The following TMCO1 variants were observed in gnomAD, a reference collection of about 807,000 sequenced individuals.
TMCO1 encodes transmembrane and coiled-coil domains 1, also known as calcium load-activated calcium channel.
In TMCO1, 29 loss-of-function variants were observed where a neutral mutation model predicts 29.3. The ratio of observed to expected loss-of-function variants is 0.99; its 90% confidence interval spans 0.74 to 1.35. The LOEUF (loss-of-function observed/expected upper bound fraction) is 1.35, where lower values mean the gene tolerates loss of function less well. Among genes scored for constraint, TMCO1 ranks in the 40% most tolerant of loss-of-function variants. The pLI, the probability that TMCO1 is intolerant of heterozygous loss-of-function variation, is 0.00. For missense variants in TMCO1, 173 were observed against 225.5 expected, an observed-to-expected ratio of 0.77 and a Z score of 1.49; for synonymous variants, 80 against 77.1, an observed-to-expected ratio of 1.04 and a Z score of -0.20.
intron 6 of TMCO1, among the ~76,000 whole-genome samples, chr1:165,736,538 A>G (rs1482496182): frequency 6.6e-6 from 1 of 152,132 alleles, no homozygotes; most frequent in Non-Finnish European, 1.5e-5. Flanking sequence ...CCTGACCAAC[A>G]TGGTGAAACC....
intron 5 of TMCO1, among the ~76,000 whole-genome samples, chr1:165,747,554 A>G (rs960543861): frequency 6.6e-6 from 1 of 152,230 alleles, no homozygotes; most frequent in Non-Finnish European, 1.5e-5. Flanking sequence ...ATTTGAAAGA[A>G]TAAGTGCCCC....
intron 2 of TMCO1, among the ~76,000 whole-genome samples, chr1:165,765,582 T>C (rs1375936071): frequency 6.6e-6 from 1 of 152,158 alleles, no homozygotes; most frequent in East Asian, 1.9e-4. Flanking sequence ...GCGCCCTGCC[T>C]TGCAGTTTTA....
chr1:165,751,306 A>T (rs1266907682), intron 5 of TMCO1, among the ~76,000 whole-genome samples: 1 of 152,214 alleles, frequency 6.6e-6, no homozygotes, highest in African/African-American at 2.4e-5. Context: ...GAACATATTA[A>T]ATTCTCTATA....
chr1:165,768,322 C>T (rs1652651573), intron 1 of TMCO1, 53 bp from the exon 2 acceptor site: 47 of 1,568,316 alleles, frequency 3.0e-5, no homozygotes, highest in Non-Finnish European at 4.0e-5. Flanking sequence ...ATGATCACAA[C>T]AAACAAAGTG....
chr1:165,724,660 A>G (rs186797760), downstream of TMCO1: 77 of 454,082 alleles, frequency 1.7e-4, no homozygotes, highest in East Asian at 5.1e-3. Flanking sequence ...GACCACAACA[A>G]TTGAAGAAAT....
At chr1:165,731,077 T>A (rs542191157) in intron 6 of TMCO1, among the ~76,000 whole-genome samples, 200 of 152,202 alleles carry the variant, frequency 1.3e-3, no homozygotes, top group African/African-American at 4.6e-3. Flanking sequence ...TTTTTTGTAT[T>A]TTTAGTAGAG....
chr1:165,747,825 A>G (rs1033747670), intron 5 of TMCO1, among the ~76,000 whole-genome samples: 5 of 152,182 alleles, frequency 3.3e-5, no homozygotes, highest in African/African-American at 1.2e-4. Flanking sequence ...CCTCATCTGT[A>G]AAATAAAGAT....
intron 4 of TMCO1, among the ~76,000 whole-genome samples, chr1:165,752,413 G>A (rs1015072128): frequency 4.0e-5 from 6 of 151,014 alleles, no homozygotes; most frequent in African/African-American, 1.2e-4. Flanking sequence ...CCGCCACCAC[G>A]CTTGGCTGAT....
At chr1:165,755,034 C>G (rs1291743745) in intron 3 of TMCO1, 1 of 152,098 alleles carries the variant, frequency 6.6e-6, no homozygotes, top group Non-Finnish European at 1.5e-5. Flanking sequence ...TACGCATTCT[C>G]TAAGTAGTGA....
chr1:165,733,473 C>T (rs190173771), intron 6 of TMCO1, among the ~76,000 whole-genome samples: 3 of 151,902 alleles, frequency 2.0e-5, no homozygotes, highest in Admixed American at 6.6e-5. Context: ...TCTCCACATG[C>T]GCCTGTAATC....
At chr1:165,755,493 G>A (rs1356571541) in intron 3 of TMCO1, among the ~76,000 whole-genome samples, 1 of 152,052 alleles carries the variant, frequency 6.6e-6, no homozygotes, top group Non-Finnish European at 1.5e-5. Context: ...GCAACACAGA[G>A]AGACCCCATC....
chr1:165,766,476 C>T lies in TMCO1; in HGVS notation c.148+1716G>A, dbSNP rs188023244. 5.1e-3 allele frequency among the ~76,000 whole-genome samples: 772 copies of T among 152,274 alleles called. 9 individuals carry two copies. Among genetic ancestry groups the T allele is most frequent in the African/African-American group, 0.017 (691 of 41,560 alleles). Reference sequence around the variant, plus strand: ...ACGGGAGGTCAAGAAATGAAACCATCAAGTAAATTGCAGAAGAATGATCAG... The same window carrying T: ...ACGGGAGGTCAAGAAATGAAACCATTAAGTAAATTGCAGAAGAATGATCAG... On this transcript the variant is annotated intron_variant, in intron 2 of 6. Transcript: ENST00000367881.
intron 3 of TMCO1, among the ~76,000 whole-genome samples, chr1:165,757,687 G>A (rs774197761): frequency 1.4e-4 from 21 of 152,152 alleles, no homozygotes; most frequent in Non-Finnish European, 2.6e-4. Flanking sequence ...TAGTAGAGAC[G>A]GGGTTTCGCC....
intron 5 of TMCO1, among the ~76,000 whole-genome samples, chr1:165,751,614 G>A (rs1193138240): frequency 6.6e-6 from 1 of 151,784 alleles, no homozygotes; most frequent in Non-Finnish European, 1.5e-5. Flanking sequence ...TGAGATAGGA[G>A]AATCGCTTGA....
At chr1:165,732,785 G>T (rs1022180279) in intron 6 of TMCO1, among the ~76,000 whole-genome samples, 1 of 151,992 alleles carries the variant, frequency 6.6e-6, no homozygotes, top group Non-Finnish European at 1.5e-5. Flanking sequence ...AAAAAATAAG[G>T]TCTATAAAAG....
intron 2 of TMCO1, among the ~76,000 whole-genome samples, chr1:165,760,387 C>T (rs567136810): frequency 6.7e-6 from 1 of 149,156 alleles, no homozygotes; most frequent in African/African-American, 2.5e-5. Flanking sequence ...GTTTAGATCA[C>T]ACCACTCTAC....
intron 6 of TMCO1, among the ~76,000 whole-genome samples, chr1:165,734,364 T>C (rs528551511): frequency 6.6e-6 from 1 of 152,306 alleles, no homozygotes; most frequent in South Asian, 2.1e-4. Context: ...AATAAAACAA[T>C]AGGAGTATCT....
intron 2 of TMCO1, 123 bp from the exon 3 acceptor site, chr1:165,759,707 G>C: frequency 1.3e-6 from 1 of 781,010 alleles, no homozygotes; most frequent in South Asian, 1.6e-5. Context: ...ACTGATTATG[G>C]TCATGATTAA....
chr1:165,724,976 T>C (rs1419988499), downstream of TMCO1: 10 of 438,086 alleles, frequency 2.3e-5, 1 homozygote, highest in Admixed American at 2.5e-4. Context: ...AGGTGTTCTT[T>C]ATTCTCTCTT....
Sources: allele counts gnomAD v4.1 joint callset (sites outside exome capture counted in the v4.1 genomes callset), GRCh38; gene constraint gnomAD v4.1.1; transcripts MANE v1.5; gene names NCBI Gene and HGNC (gene_info 2026-07-23, HGNC 2026-07-21).